The following CDH18 variants were observed in gnomAD, a reference collection of about 807,000 sequenced individuals.
The protein encoded by CDH18 is cadherin-18.
Under a neutral mutation model 67.9 loss-of-function variants are expected in CDH18, and 31 were observed. The ratio of observed to expected loss-of-function variants is 0.46; its 90% CI spans 0.34 to 0.62. The LOEUF is 0.62. Ranked by LOEUF, CDH18 falls within the 20% of genes least tolerant of loss-of-function variation. The pLI, the probability that CDH18 is intolerant of heterozygous loss-of-function variation, is 0.01. For synonymous variants in CDH18, 362 were observed against 347.2 expected, an observed-to-expected ratio of 1.04 and a Z score of -0.48; for missense variants, 890 against 975.5, an observed-to-expected ratio of 0.91 and a Z score of 1.17.
intron 2 of CDH18, among the ~76,000 whole-genome samples, chr5:20,056,464 A>ATTTTTTTTTTTTTTTTTTTTT (rs1561753965): frequency 4.5e-5 from 1 of 22,068 alleles, no homozygotes; most frequent in Non-Finnish European, 9.6e-5. Context: ...ATTTTTCTTT[A>ATTTTTTTTTTTTTTTTTTTTT]TTTTCTTTCT....
chr5:19,523,891 T>C (rs1246003459), intron 9 of CDH18, among the ~76,000 whole-genome samples: 15 of 152,108 alleles, frequency 9.9e-5, no homozygotes, highest in Admixed American at 9.2e-4. Flanking sequence ...AAAACTTTGA[T>C]GCATTTATAT....
chr5:19,715,031 A>T lies in CDH18; in HGVS notation c.643+6316T>A, dbSNP rs1237323877. On this transcript the variant is annotated intron_variant, in intron 5 of 12. Transcript: ENST00000382275. ...ATTGTCTTAGCTTTTAATAGATATA[A>T]AATATTGACTTTGGAAAGTGAAAAC... Among the ~76,000 whole-genome samples the T allele has an allele frequency of 2.0e-5, 3 of 152,068 alleles. No individual in the cohort carries two copies. The East Asian group carries it at 5.8e-4, about 29-fold the overall frequency.
chr5:19,865,095 C>T (rs1406660423), intron 2 of CDH18, among the ~76,000 whole-genome samples: 2 of 152,076 alleles, frequency 1.3e-5, no homozygotes, highest in African/African-American at 4.8e-5. Flanking sequence ...GTCATTCTTC[C>T]TAGGGCCCTC....
At chr5:19,818,357 T>G (rs948076037) in intron 3 of CDH18, among the ~76,000 whole-genome samples, 5 of 152,174 alleles carry the variant, frequency 3.3e-5, no homozygotes, top group African/African-American at 1.2e-4. Flanking sequence ...GTAGGATGTG[T>G]GTAATATCTT....
intron 10 of CDH18, among the ~76,000 whole-genome samples, chr5:19,504,910 C>T (rs1743849325): frequency 6.6e-6 from 1 of 152,088 alleles, no homozygotes; most frequent in Admixed American, 6.6e-5. Flanking sequence ...TCTGTTATCA[C>T]TGCTGTGGGA....
chr5:19,695,470 T>C (rs1158009232), intron 5 of CDH18, among the ~76,000 whole-genome samples: 2 of 152,248 alleles, frequency 1.3e-5, no homozygotes. Context: ...ATAGCTAGTC[T>C]ACTTTATGTA....
At chr5:19,668,968 T>G (rs1468152688) in intron 5 of CDH18, among the ~76,000 whole-genome samples, 3 of 151,222 alleles carry the variant, frequency 2.0e-5, no homozygotes, top group African/African-American at 7.3e-5. Flanking sequence ...TGAAATATGG[T>G]TCTTTTCCCA....
intron 1 of CDH18, among the ~76,000 whole-genome samples, chr5:20,430,660 C>T (rs115003259): frequency 0.018 from 2,712 of 152,178 alleles, 55 homozygotes; most frequent in African/African-American, 0.045. Context: ...GTTTTTATCA[C>T]TTAGGGAATT....
chr5:19,663,744 T>C (rs1757511481), intron 5 of CDH18, among the ~76,000 whole-genome samples: 1 of 151,992 alleles, frequency 6.6e-6, no homozygotes, highest in Non-Finnish European at 1.5e-5. Flanking sequence ...CTAGTGTACA[T>C]ATTTTTCATT....
chr5:20,210,610 T>C (rs191574417), intron 2 of CDH18, among the ~76,000 whole-genome samples: 179 of 152,096 alleles, frequency 1.2e-3, no homozygotes, highest in African/African-American at 4.1e-3. Context: ...GTCCTTTTTT[T>C]CTGTGAGTAA....
chr5:19,762,496 C>T (rs1561249008), intron 3 of CDH18, among the ~76,000 whole-genome samples: 1 of 152,166 alleles, frequency 6.6e-6, no homozygotes, highest in Non-Finnish European at 1.5e-5. Context: ...AAATAATGCT[C>T]ATCATCACTG....
intron 2 of CDH18, among the ~76,000 whole-genome samples, chr5:20,143,512 C>T (rs1457327460): frequency 2.0e-5 from 3 of 152,086 alleles, no homozygotes; most frequent in African/African-American, 4.8e-5. Context: ...GGACTATACG[C>T]ATGCACCGCT....
intron 2 of CDH18, among the ~76,000 whole-genome samples, chr5:20,212,336 C>T (rs1289233007): frequency 6.6e-6 from 1 of 152,072 alleles, no homozygotes; most frequent in African/African-American, 2.4e-5. Flanking sequence ...GAGAATGGAA[C>T]CAAGTTGGAA....
At chr5:20,227,289 C>T (rs948758150) in intron 2 of CDH18, among the ~76,000 whole-genome samples, 48 of 152,044 alleles carry the variant, frequency 3.2e-4, no homozygotes, top group African/African-American at 1.1e-3. Flanking sequence ...CATCTTGGTT[C>T]CCACATTTTT....
At chr5:20,157,335 G>A (rs1751607748) in intron 2 of CDH18, among the ~76,000 whole-genome samples, 1 of 152,166 alleles carries the variant, frequency 6.6e-6, no homozygotes, top group East Asian at 1.9e-4. Context: ...TGTAAACAAT[G>A]TTTTCTTGTT....
intron 1 of CDH18, among the ~76,000 whole-genome samples, chr5:20,328,089 C>T (rs965970999): frequency 6.6e-6 from 1 of 151,838 alleles, no homozygotes; most frequent in African/African-American, 2.4e-5. Context: ...AGTGATGAAG[C>T]ATCAAGCAGG....
chr5:19,751,779 A>G (rs1248974671), intron 3 of CDH18, among the ~76,000 whole-genome samples: 1 of 152,222 alleles, frequency 6.6e-6, no homozygotes. Flanking sequence ...GTTATGTTAA[A>G]GAGTTAAATA....
intron 2 of CDH18, among the ~76,000 whole-genome samples, chr5:19,936,929 T>G (rs550863165): frequency 6.6e-6 from 1 of 151,374 alleles, no homozygotes; most frequent in East Asian, 1.9e-4. Flanking sequence ...ATTATTGTGA[T>G]TTTCAGTTTC....
intron 2 of CDH18, among the ~76,000 whole-genome samples, chr5:19,919,894 C>T (rs538714857): frequency 1.3e-5 from 2 of 152,096 alleles, no homozygotes; most frequent in Non-Finnish European, 2.9e-5. Context: ...GGCAGTCCTG[C>T]AAAAGACTAA....
Sources: gnomAD v4.1 joint callset for allele counts (sites outside exome capture counted in the v4.1 genomes callset) on GRCh38, gnomAD v4.1.1 for gene constraint, MANE v1.5 for transcripts, NCBI Gene and HGNC (gene_info 2026-07-23, HGNC 2026-07-21) for gene names.